Variants in IQGAP2 observed in about 807,000 individuals in gnomAD.
The protein encoded by IQGAP2 is ras GTPase-activating-like protein IQGAP2.
Under a neutral mutation model 201.3 loss-of-function variants are expected in IQGAP2, and 173 were observed. That is an observed-to-expected ratio of 0.86 (90% CI 0.76 to 0.98). The LOEUF is 0.98. IQGAP2 is among the 50% of genes least tolerant of loss of function. The probability of loss-of-function intolerance (pLI) is 0.00; values close to 1 mark genes in which losing one functional copy is unlikely to be tolerated. For missense variants in IQGAP2, 1,687 were observed against 1,864.8 expected, an observed-to-expected ratio of 0.90 and a Z score of 1.76; for synonymous variants, 675 against 673.9, an observed-to-expected ratio of 1.00 and a Z score of -0.03.
intron 20 of IQGAP2, among the ~76,000 whole-genome samples, chr5:76,657,783 T>C (rs1487681848): frequency 6.6e-6 from 1 of 152,242 alleles, no homozygotes; most frequent in Non-Finnish European, 1.5e-5. Flanking sequence ...TTAGAATTTA[T>C]GTGAGAATGT....
intron 5 of IQGAP2, among the ~76,000 whole-genome samples, chr5:76,585,434 A>T (rs1746177944): frequency 1.3e-5 from 2 of 152,144 alleles, no homozygotes; most frequent in African/African-American, 4.8e-5. Context: ...AGTGCAAATC[A>T]GGTAGTATGA....
At chr5:76,432,128 C>CTTTTTTTTTTTTTTTTTTTTT (rs70982606) in intron 1 of IQGAP2, among the ~76,000 whole-genome samples, 7 of 95,322 alleles carry the variant, frequency 7.3e-5, no homozygotes, top group African/African-American at 1.1e-4. Context: ...TTTCTTTCTT[C>CTTTTTTTTTTTTTTTTTTTTT]TTTTTTTTTT....
chr5:76,649,257 G>A (rs1752325037), intron 17 of IQGAP2, among the ~76,000 whole-genome samples: 1 of 152,190 alleles, frequency 6.6e-6, no homozygotes. Flanking sequence ...GCTGAATGAG[G>A]AGTCTAGACT....
chr5:76,481,610 C>T (rs1395037417), intron 2 of IQGAP2, among the ~76,000 whole-genome samples: 1 of 152,162 alleles, frequency 6.6e-6, no homozygotes, highest in Non-Finnish European at 1.5e-5. Context: ...TCTTGAACTC[C>T]TGACCTCAGA....
chr5:76,609,716 A>G (rs999314465), intron 12 of IQGAP2, among the ~76,000 whole-genome samples: 1 of 152,044 alleles, frequency 6.6e-6, no homozygotes, highest in African/African-American at 2.4e-5. Flanking sequence ...TGACCTTAAA[A>G]ATGCTTATAT....
At chr5:76,447,298 T>C (rs978032095) in intron 1 of IQGAP2, among the ~76,000 whole-genome samples, 1 of 152,112 alleles carries the variant, frequency 6.6e-6, no homozygotes, top group South Asian at 2.1e-4. Context: ...CTCACTAAAA[T>C]TCCAATTAGG....
At chr5:76,496,635 G>A (rs1177277543) in intron 2 of IQGAP2, among the ~76,000 whole-genome samples, 3 of 152,218 alleles carry the variant, frequency 2.0e-5, no homozygotes, top group South Asian at 2.1e-4. Context: ...GCTACAAATG[G>A]TATTCATATT....
chr5:76,608,352 A>G (rs1747977681), intron 12 of IQGAP2, among the ~76,000 whole-genome samples: 1 of 152,228 alleles, frequency 6.6e-6, no homozygotes, highest in African/African-American at 2.4e-5. Flanking sequence ...ACTTTAATAC[A>G]GAGTATTTAA....
chr5:76,439,695 C>T lies in IQGAP2; in HGVS notation c.47-21875C>T, dbSNP rs144861112. On this transcript the variant is annotated intron_variant, in intron 1 of 35. Coordinates refer to ENST00000274364, the MANE Select transcript of IQGAP2 (RefSeq NM_006633.5). ...CTTGCTCTCTTTTGGTTTCCATTTG[C>T]GTGGAATACCTTTTTCACTCCTTTA... Among the ~76,000 whole-genome samples, 39 of 151,942 alleles carry T rather than the reference C, an allele frequency of 2.6e-4. No individual in the cohort carries two copies. In the East Asian group the frequency reaches 5.8e-3, roughly 23 times the overall value.
intron 11 of IQGAP2, among the ~76,000 whole-genome samples, chr5:76,604,790 T>G (rs1278218708): frequency 6.6e-6 from 1 of 152,226 alleles, no homozygotes; most frequent in Non-Finnish European, 1.5e-5. Flanking sequence ...CATCTGCACT[T>G]GGCGAGGCCT....
chr5:76,626,270 C>CTTTTTGTTTTTTTTT (rs1750222097), intron 13 of IQGAP2, among the ~76,000 whole-genome samples: 1 of 83,654 alleles, frequency 1.2e-5, no homozygotes, highest in Non-Finnish European at 2.1e-5. Flanking sequence ...TTCTTCTTTT[C>CTTTTTGTTTTTTTTT]TTTTTTTTTT....
intron 12 of IQGAP2, chr5:76,609,222 GT>G (rs1239190154): frequency 6.5e-7 from 1 of 1,535,654 alleles, no homozygotes; most frequent in East Asian, 2.4e-5. Flanking sequence ...TGGATGGGGT[GT>G]TTTAAAGGTA....
At chr5:76,637,267 A>G in intron 16 of IQGAP2, 91 bp downstream of exon 16, 1 of 1,074,632 alleles carries the variant, frequency 9.3e-7, no homozygotes, top group Non-Finnish European at 1.3e-6. Flanking sequence ...GATGAGAGGA[A>G]CTAACTGATT....
intron 28 of IQGAP2, among the ~76,000 whole-genome samples, chr5:76,679,968 T>A (rs1745137291): frequency 6.6e-6 from 1 of 152,228 alleles, no homozygotes; most frequent in Non-Finnish European, 1.5e-5. Context: ...GTCACTTCCT[T>A]ACCTTGAAGT....
At chr5:76,481,912 G>A (rs1464711099) in intron 2 of IQGAP2, among the ~76,000 whole-genome samples, 1 of 152,152 alleles carries the variant, frequency 6.6e-6, no homozygotes, top group African/African-American at 2.4e-5. Flanking sequence ...ATTATTCCAG[G>A]AAGAAGCAAG....
At position 76,683,132 on chromosome 5, in the gene IQGAP2, G is replaced by T. The variant is rs1274200520; in HGVS notation, c.3678G>T (p.Gln1226His). ...ACATAAAGCTCCTGTTGGAACACCAGGATGCAATTGCCCCTGAGAAAAATG... is the reference window on the plus strand; with the variant it reads ...ACATAAAGCTCCTGTTGGAACACCATGATGCAATTGCCCCTGAGAAAAATG... ...ISTHSLLLEH[Q>H]DAIAPEKNDL... The change falls in exon 29 of 36, where the codon CAG becomes CAT. Residue 1226 changes from glutamine (Q) to histidine (H), a missense_variant. Transcript: ENST00000274364. 6.2e-7 allele frequency: 1 copy of T among 1,610,764 alleles called. No homozygotes were observed. The highest frequency in any genetic ancestry group is 1.7e-5 in the Admixed American group (1 of 59,588).
intron 21 of IQGAP2, among the ~76,000 whole-genome samples, chr5:76,663,684 G>A (rs1743472639): frequency 6.9e-6 from 1 of 145,966 alleles, no homozygotes; most frequent in East Asian, 2.0e-4. Flanking sequence ...ACAGGCATGA[G>A]CCACCACACC....
chr5:76,591,709 T>G lies in IQGAP2; in HGVS notation c.819+1123T>G, dbSNP rs115658394. Among the ~76,000 whole-genome samples the G allele has an allele frequency of 8.2e-3, 1,242 of 152,288 alleles. 27 individuals carry two copies. The highest frequency in any genetic ancestry group is 0.028 in the African/African-American group (1,183 of 41,560). ...CTCTCAGTATGGGGATTCTTCAAGGTCTGACATGGAATCCCTTCTCTGTTC... is the reference window on the plus strand; with the variant it reads ...CTCTCAGTATGGGGATTCTTCAAGGGCTGACATGGAATCCCTTCTCTGTTC... On this transcript the variant is annotated intron_variant, in intron 8 of 35. Coordinates refer to ENST00000274364, the MANE Select transcript of IQGAP2 (RefSeq NM_006633.5).
intron 17 of IQGAP2, among the ~76,000 whole-genome samples, chr5:76,642,193 C>G (rs1388280176): frequency 6.6e-6 from 1 of 152,070 alleles, no homozygotes; most frequent in African/African-American, 2.4e-5. Context: ...TGATGAGACT[C>G]TAATTTTGCA....
Sources: allele counts gnomAD v4.1 joint callset (sites outside exome capture counted in the v4.1 genomes callset), GRCh38; gene constraint gnomAD v4.1.1; transcripts MANE v1.5; gene names NCBI Gene and HGNC (gene_info 2026-07-23, HGNC 2026-07-21).